The following DGCR2 variants were observed in gnomAD, a reference collection of about 807,000 sequenced individuals.
The protein encoded by DGCR2 is integral membrane protein DGCR2/IDD.
A neutral mutation model predicts 51.6 loss-of-function variants in DGCR2; 24 were observed. The observed-to-expected ratio is 0.47, with a 90% CI of 0.34 to 0.65. The LOEUF is 0.65. DGCR2 is among the 30% of genes least tolerant of loss of function. DGCR2 has a pLI of 0.01. For synonymous variants in DGCR2, 340 were observed against 315.4 expected (o/e 1.08, Z -0.82); for missense variants, 765 against 772.1 (o/e 0.99, Z 0.11).
At chr22:19,044,164 G>A (rs937450910) in intron 7 of DGCR2, among the ~76,000 whole-genome samples, 3 of 152,182 alleles carry the variant, frequency 2.0e-5, no homozygotes, top group African/African-American at 4.8e-5. Flanking sequence ...GGTGGGGACC[G>A]GAAATAATCA....
rs190999342 is a variant in DGCR2, at chr22:19,063,009, C to T, written c.625+193G>A. Among the ~76,000 whole-genome samples the T allele has an allele frequency of 2.4e-3, 366 of 152,278 alleles. 2 individuals are homozygous for T. Among genetic ancestry groups the T allele is most frequent in the African/African-American group, 8.3e-3 (346 of 41,546 alleles). ...AACAGAGGGTTCCAGAGACAGCCAC[C>T]GCCCAATGCAGGGCCTGATCTGCAG... On this transcript the variant is annotated intron_variant, in intron 5 of 9. Transcript: ENST00000263196.
chr22:19,101,708 T>G (rs1029558979), intron 1 of DGCR2, among the ~76,000 whole-genome samples: 3 of 134,038 alleles, frequency 2.2e-5, no homozygotes, highest in Non-Finnish European at 1.5e-5. Context: ...GCCATTGCAC[T>G]CCAGCCTGGG....
At chr22:19,042,287 A>G (rs541896823) in intron 7 of DGCR2, among the ~76,000 whole-genome samples, 35 of 152,238 alleles carry the variant, frequency 2.3e-4, no homozygotes, top group African/African-American at 8.4e-4. Flanking sequence ...GGCTGCGCTC[A>G]TGTGCTGTGT....
chr22:19,115,469 G>C (rs116768319), intron 1 of DGCR2, among the ~76,000 whole-genome samples: 1 of 152,186 alleles, frequency 6.6e-6, no homozygotes, highest in Non-Finnish European at 1.5e-5. Flanking sequence ...CCCTACCCCC[G>C]GATCCCATCC....
At chr22:19,112,206 G>C (rs1216390282) in intron 1 of DGCR2, among the ~76,000 whole-genome samples, 1 of 148,382 alleles carries the variant, frequency 6.7e-6, no homozygotes, top group East Asian at 2.0e-4. Context: ...CCGGGAGGCA[G>C]AGGTTACAGT....
At chr22:19,062,787 T>TCTCTCTCTCTCTCTCTCTCTC (rs2082691148) in intron 5 of DGCR2, among the ~76,000 whole-genome samples, 1 of 148,092 alleles carries the variant, frequency 6.8e-6, no homozygotes, top group Non-Finnish European at 1.5e-5. Flanking sequence ...TCACTCTCTC[T>TCTCTCTCTCTCTCTCTCTCTC]CTCTCTCTCT....
intron 1 of DGCR2, among the ~76,000 whole-genome samples, chr22:19,092,095 C>A (rs2793070): frequency 0.13 from 19,697 of 151,816 alleles, 2,109 homozygotes; most frequent in African/African-American, 0.29. Context: ...CACCTGTAAT[C>A]CCAACACTTT....
chr22:19,105,921 G>A (rs1455782526), intron 1 of DGCR2, among the ~76,000 whole-genome samples: 2 of 152,002 alleles, frequency 1.3e-5, no homozygotes, highest in African/African-American at 4.8e-5. Flanking sequence ...GTTCTTGGGG[G>A]TCCCGGCTCA....
chr22:19,060,699 C>G (rs1045852176), intron 5 of DGCR2: 2 of 296,552 alleles, frequency 6.7e-6, no homozygotes, highest in Non-Finnish European at 1.4e-5. Flanking sequence ...AAATCCTGGC[C>G]TCATGTCTTC....
chr22:19,061,667 C>T (rs2082664811), intron 5 of DGCR2: 1 of 152,222 alleles, frequency 6.6e-6, no homozygotes, highest in African/African-American at 2.4e-5. Flanking sequence ...TATCCTGCAG[C>T]AGAAGAATTA....
intron 1 of DGCR2, among the ~76,000 whole-genome samples, chr22:19,091,077 A>G (rs1339685742): frequency 2.7e-5 from 3 of 111,986 alleles, no homozygotes; most frequent in Non-Finnish European, 5.3e-5. Context: ...AAGGGCAGGT[A>G]CATGGCTCAT....
At chr22:19,083,749 C>T (rs1278933613) in intron 2 of DGCR2, among the ~76,000 whole-genome samples, 2 of 144,566 alleles carry the variant, frequency 1.4e-5, no homozygotes, top group Non-Finnish European at 3.0e-5. Flanking sequence ...TCTCTTTCCA[C>T]GGTCTCCCTC....
At chr22:19,043,051 G>A (rs2082450757) in intron 7 of DGCR2, among the ~76,000 whole-genome samples, 1 of 152,174 alleles carries the variant, frequency 6.6e-6, no homozygotes, top group African/African-American at 2.4e-5. Flanking sequence ...GGTGTAGGAG[G>A]GCTGGGTGGA....
At chr22:19,104,830 C>G (rs749927198) in intron 1 of DGCR2, among the ~76,000 whole-genome samples, 1 of 152,244 alleles carries the variant, frequency 6.6e-6, no homozygotes, top group Non-Finnish European at 1.5e-5. Context: ...GGTCATTTCA[C>G]CTTCCATACA....
intron 5 of DGCR2, among the ~76,000 whole-genome samples, chr22:19,062,744 A>G (rs1353358197): frequency 2.1e-5 from 3 of 143,774 alleles, no homozygotes; most frequent in African/African-American, 5.0e-5. Flanking sequence ...GCAGCTCCGC[A>G]TAAAATCTTT....
At chr22:19,071,114 C>T (rs1186783140) in intron 2 of DGCR2, among the ~76,000 whole-genome samples, 2 of 152,246 alleles carry the variant, frequency 1.3e-5, no homozygotes, top group African/African-American at 4.8e-5. Context: ...CCCTGCCTCA[C>T]AGCCCAGCTG....
At chr22:19,084,026 A>G (rs1225217223) in intron 2 of DGCR2, among the ~76,000 whole-genome samples, 2 of 151,948 alleles carry the variant, frequency 1.3e-5, no homozygotes, top group Non-Finnish European at 2.9e-5. Context: ...TCAGTGCTCA[A>G]TGTTGCCCAG....
At chr22:19,048,359 A>C in intron 7 of DGCR2, 81 bp downstream of exon 7, 4 of 1,481,972 alleles carry the variant, frequency 2.7e-6, no homozygotes, top group Non-Finnish European at 3.8e-6. Context: ...CTGAGTCCTC[A>C]CCACTGAGGA....
chr22:19,046,057 T>C (rs1204909159), intron 7 of DGCR2: 1 of 152,170 alleles, frequency 6.6e-6, no homozygotes, highest in African/African-American at 2.4e-5. Context: ...AGCTTGTCAA[T>C]ACCTACAAAA....
Sources: gnomAD v4.1 joint callset for allele counts (sites outside exome capture counted in the v4.1 genomes callset) on GRCh38, gnomAD v4.1.1 for gene constraint, MANE v1.5 for transcripts, NCBI Gene and HGNC (gene_info 2026-07-23, HGNC 2026-07-21) for gene names.